The following KLHL32 variants were observed in gnomAD, a reference collection of about 807,000 sequenced individuals.
KLHL32 encodes kelch like family member 32.
A neutral mutation model predicts 64.8 loss-of-function variants in KLHL32; 35 were observed. That is an observed-to-expected ratio of 0.54 (90% CI 0.41 to 0.72). The LOEUF (loss-of-function observed/expected upper bound fraction) is 0.72. Ranked by LOEUF, KLHL32 falls within the 30% of genes least tolerant of loss-of-function variation. KLHL32 has a pLI of 0.00. For synonymous variants in KLHL32, 259 were observed against 281.0 expected (o/e 0.92, Z 0.78); for missense variants, 589 against 768.5 (o/e 0.77, Z 2.76).
intron 3 of KLHL32, among the ~76,000 whole-genome samples, chr6:96,997,884 G>A (rs1465323358): frequency 2.0e-5 from 3 of 152,132 alleles, no homozygotes; most frequent in Admixed American, 2.0e-4. Context: ...CAGTACTGCT[G>A]ATTTTAAAAT....
chr6:96,941,095 C>G (rs1028333005), intron 1 of KLHL32, among the ~76,000 whole-genome samples: 1 of 152,154 alleles, frequency 6.6e-6, no homozygotes, highest in Admixed American at 6.5e-5. Flanking sequence ...ATTATTTCTT[C>G]CTTTGTACTT....
At chr6:96,948,534 T>G (rs1435532167) in intron 1 of KLHL32, among the ~76,000 whole-genome samples, 1 of 152,152 alleles carries the variant, frequency 6.6e-6, no homozygotes, top group Non-Finnish European at 1.5e-5. Flanking sequence ...AATCATAGGA[T>G]ATACTTTGGG....
At chr6:96,955,429 G>T (rs577173171) in intron 1 of KLHL32, among the ~76,000 whole-genome samples, 43 of 151,742 alleles carry the variant, frequency 2.8e-4, no homozygotes, top group Non-Finnish European at 5.6e-4. Flanking sequence ...TGTTCTCTTT[G>T]ATCTTGGGGG....
intron 10 of KLHL32, 70 bp from the exon 11 acceptor site, chr6:97,139,051 T>C (rs1562375561): frequency 2.1e-6 from 3 of 1,416,046 alleles, no homozygotes; most frequent in Non-Finnish European, 2.9e-6. Flanking sequence ...AGAATTTCTT[T>C]TATGTATACA....
At chr6:96,954,461 T>C (rs1773029756) in intron 1 of KLHL32, among the ~76,000 whole-genome samples, 1 of 152,112 alleles carries the variant, frequency 6.6e-6, no homozygotes, top group Non-Finnish European at 1.5e-5. Flanking sequence ...GATTACCCCA[T>C]AAAGTGATCT....
intron 10 of KLHL32, 26 bp downstream of exon 10, chr6:97,132,773 G>C (rs1386696911): frequency 1.3e-6 from 2 of 1,498,078 alleles, no homozygotes; most frequent in South Asian, 2.3e-5. Context: ...TCCTTTTGAA[G>C]TTTGTTCAAG....
intron 1 of KLHL32, among the ~76,000 whole-genome samples, chr6:96,966,433 C>T (rs937207864): frequency 1.3e-5 from 2 of 152,168 alleles, no homozygotes; most frequent in African/African-American, 4.8e-5. Context: ...TTCAATCATG[C>T]AATATTGAAG....
chr6:96,931,620 A>G (rs1205526261), intron 1 of KLHL32, among the ~76,000 whole-genome samples: 1 of 152,214 alleles, frequency 6.6e-6, no homozygotes, highest in Non-Finnish European at 1.5e-5. Flanking sequence ...CATAATTCAG[A>G]TGCATTTTTA....
At chr6:97,122,222 G>A (rs970439430) in intron 7 of KLHL32, among the ~76,000 whole-genome samples, 4 of 152,182 alleles carry the variant, frequency 2.6e-5, no homozygotes, top group Non-Finnish European at 5.9e-5. Context: ...TTCAAATGCA[G>A]CAACCCTGCC....
chr6:96,914,005 C>T, the KLHL32 span, among the ~76,000 whole-genome samples: 1 of 152,146 alleles, frequency 6.6e-6, no homozygotes, highest in African/African-American at 2.4e-5. Context: ...TGAGAACCGT[C>T]CTTAAAAGTG....
At chr6:96,938,960 G>A (rs1272339019) in intron 1 of KLHL32, among the ~76,000 whole-genome samples, 1 of 152,138 alleles carries the variant, frequency 6.6e-6, no homozygotes, top group Non-Finnish European at 1.5e-5. Context: ...CTTTCACTGA[G>A]GACAGCAGGC....
chr6:97,132,288 C>T (rs529149445), intron 9 of KLHL32, among the ~76,000 whole-genome samples: 6 of 152,226 alleles, frequency 3.9e-5, no homozygotes, highest in Admixed American at 2.0e-4. Flanking sequence ...AAAGCATTTG[C>T]GGGTATAGAA....
At chr6:96,957,293 A>G (rs1773386368) in intron 1 of KLHL32, among the ~76,000 whole-genome samples, 1 of 152,172 alleles carries the variant, frequency 6.6e-6, no homozygotes, top group Admixed American at 6.5e-5. Context: ...CATATTTTCT[A>G]TTTGCTAAAA....
the KLHL32 span, among the ~76,000 whole-genome samples, chr6:96,904,160 A>G: frequency 6.6e-6 from 1 of 151,754 alleles, no homozygotes; most frequent in Non-Finnish European, 1.5e-5. Context: ...TGGCCAACAT[A>G]CTAAAACCCC....
intron 3 of KLHL32, among the ~76,000 whole-genome samples, chr6:97,006,966 C>T (rs1432029001): frequency 1.3e-5 from 2 of 152,098 alleles, no homozygotes; most frequent in Non-Finnish European, 2.9e-5. Context: ...GACTATGTGT[C>T]TTGGGGATGG....
At position 97,126,284 on chromosome 6, in the gene KLHL32, A is replaced by G. The variant is rs572949146; in HGVS notation, c.1355-1120A>G. Among the ~76,000 whole-genome samples the G allele has an allele frequency of 2.0e-5, 3 of 151,930 alleles. No individual in the cohort carries two copies. The South Asian group carries it at 6.2e-4, about 32-fold the overall frequency. On this transcript the variant is annotated intron_variant, in intron 7 of 10. Transcript: ENST00000369261. ...AGATTTCTTTGGTCCCATATCCTTG[A>G]TATTTTATTATCTAACATTTAATAT...
chr6:97,072,944 A>G (rs1790981431), intron 5 of KLHL32, among the ~76,000 whole-genome samples: 1 of 152,160 alleles, frequency 6.6e-6, no homozygotes, highest in African/African-American at 2.4e-5. Context: ...CCAACTCCTC[A>G]TCTGTGAAAT....
At chr6:96,986,284 TG>T (rs768580346) in intron 3 of KLHL32, among the ~76,000 whole-genome samples, 64 of 151,808 alleles carry the variant, frequency 4.2e-4, no homozygotes, top group African/African-American at 1.3e-3. Flanking sequence ...CTGCCCCTAA[TG>T]GGGGGGGCCT....
intron 1 of KLHL32, among the ~76,000 whole-genome samples, chr6:96,939,864 A>C (rs1771073806): frequency 6.6e-6 from 1 of 152,114 alleles, no homozygotes. Context: ...ACTGGAGTCC[A>C]TTGATCTGGT....
Sources: allele counts gnomAD v4.1 joint callset (sites outside exome capture counted in the v4.1 genomes callset), GRCh38; gene constraint gnomAD v4.1.1; transcripts MANE v1.5; gene names NCBI Gene and HGNC (gene_info 2026-07-23, HGNC 2026-07-21).